Variants in MYOZ1 observed in about 807,000 individuals in gnomAD.
The protein encoded by MYOZ1 is myozenin 1.
Under a neutral mutation model 28.7 loss-of-function variants are expected in MYOZ1, and 20 were observed. The observed-to-expected ratio is 0.70, with a 90% CI of 0.49 to 1.01. The LOEUF (loss-of-function observed/expected upper bound fraction) is 1.01, where lower values mean the gene tolerates loss of function less well. Ranked by LOEUF, MYOZ1 falls within the 50% of genes least tolerant of loss-of-function variation. MYOZ1 has a pLI of 0.00. For synonymous variants in MYOZ1, 144 were observed against 145.8 expected (o/e 0.99, Z 0.09); for missense variants, 371 against 372.4 (o/e 1.00, Z 0.03).
At chr10:73,634,120 A>C in intron 4 of MYOZ1, 55 bp from the exon 5 acceptor site, 1 of 1,604,878 alleles carries the variant, frequency 6.2e-7, no homozygotes, top group Middle Eastern at 1.7e-4. Context: ...GTAGCCAATG[A>C]AAGGTAATCC....
intron 4 of MYOZ1, 29 bp from the exon 5 acceptor site, chr10:73,634,094 C>A (rs1589445385): frequency 6.2e-7 from 1 of 1,613,450 alleles, no homozygotes; most frequent in South Asian, 1.1e-5. Context: ...AAAATTCAGT[C>A]AAATAATAGC....
chr10:73,635,567 CT>C (rs1278175258), intron 3 of MYOZ1, among the ~76,000 whole-genome samples: 1 of 150,540 alleles, frequency 6.6e-6, no homozygotes, highest in Non-Finnish European at 1.5e-5. Flanking sequence ...TTTTTTTTTC[CT>C]AGAGACAGGG....
At chr10:73,636,404 G>C (rs1191005945) in intron 3 of MYOZ1, among the ~76,000 whole-genome samples, 5 of 152,096 alleles carry the variant, frequency 3.3e-5, no homozygotes, top group Admixed American at 1.3e-4. Flanking sequence ...GCCAGATTTA[G>C]CAAATCAAAT....
Position 73,638,668 on chromosome 10 carries a change from T to TTATTTATG in MYOZ1, c.74-747_74-746insCATAAATA, listed in dbSNP as rs1554958193. Among the ~76,000 whole-genome samples, 1,316 of 147,504 alleles carry TTATTTATG rather than the reference T, an allele frequency of 8.9e-3. 10 individuals are homozygous for TTATTTATG. The highest frequency in any genetic ancestry group is 0.021 in the African/African-American group (829 of 39,532). On this transcript the variant is annotated intron_variant, in intron 2 of 5. Coordinates refer to ENST00000359322, the MANE Select transcript of MYOZ1 (RefSeq NM_021245.4). The stretch of plus-strand genomic sequence containing the variant: ...TTTATTTATTTATTTATTTATTTAT[T>TTATTTATG]TATTTATTTATTTATTGAGTCAGAG...
At position 73,633,688 on chromosome 10, in the gene MYOZ1, C is replaced by G. The variant is rs186283640; in HGVS notation, c.668+212G>C. 9.2e-5 allele frequency among the ~76,000 whole-genome samples: 14 copies of G among 152,318 alleles called. 1 individual carries two copies. The highest frequency in any genetic ancestry group is 3.4e-3 in the Middle Eastern group (1 of 294). On this transcript the variant is annotated intron_variant, in intron 5 of 5. Transcript: ENST00000359322. Reference sequence around the variant, plus strand: ...AATAAATGACCATTGAGCTAGAATTCAAATCCTGCCTCCCAGCAAATTTTT... The same window carrying G: ...AATAAATGACCATTGAGCTAGAATTGAAATCCTGCCTCCCAGCAAATTTTT...
At chr10:73,638,069 G>A in intron 2 of MYOZ1, 147 bp from the exon 3 acceptor site, 1 of 734,830 alleles carries the variant, frequency 1.4e-6, no homozygotes, top group Non-Finnish European at 2.2e-6. Context: ...AGTTTGTGAG[G>A]GATTTTGATT....
chr10:73,634,765 G>A (rs765437792), intron 3 of MYOZ1, 32 bp from the exon 4 acceptor site: 1 of 1,602,406 alleles, frequency 6.2e-7, no homozygotes, highest in Admixed American at 1.7e-5. Context: ...GGGAAGGTTA[G>A]CAATGGGTAT....
intron 1 of MYOZ1, among the ~76,000 whole-genome samples, chr10:73,640,253 G>A (rs1385134165): frequency 6.6e-6 from 1 of 152,168 alleles, no homozygotes; most frequent in Non-Finnish European, 1.5e-5. Flanking sequence ...GGGCTCAGGT[G>A]ATCCTCCAAC....
chr10:73,633,577 C>CA (rs1340257729), intron 5 of MYOZ1, among the ~76,000 whole-genome samples: 17 of 151,310 alleles, frequency 1.1e-4, no homozygotes, highest in South Asian at 2.1e-4. Flanking sequence ...AAAAAGGAAG[C>CA]AAAAAAAAGA....
At chr10:73,638,638 T>TTTTATTTATTTATTTA (rs71482554) in intron 2 of MYOZ1, among the ~76,000 whole-genome samples, 42 of 124,142 alleles carry the variant, frequency 3.4e-4, no homozygotes, top group African/African-American at 1.0e-3. Context: ...CCAGCCTACA[T>TTTTATTTATTTATTTA]TTTATTTATT....
Position 73,634,572 on chromosome 10 carries a change from C to T in MYOZ1, c.414G>A (p.Gly138=). 1.9e-6 allele frequency: 3 copies of T among 1,614,164 alleles called. No individual in the cohort carries two copies. Among genetic ancestry groups the T allele is most frequent in the Non-Finnish European group, 2.5e-6 (3 of 1,180,034 alleles). Reference sequence around the variant, plus strand: ...GACCACCTGTACCCCCAGCTCCAGACCCAGAGCCCAGATGGTGCTGCTGAT... The same window carrying T: ...GACCACCTGTACCCCCAGCTCCAGATCCAGAGCCCAGATGGTGCTGCTGAT... The part of the protein sequence containing the change: ...GSDQQHHLGS[G]SGAGGTGGPA... Residue 138 remains glycine, a synonymous_variant, in exon 4 of 6, where the codon GGG becomes GGA. Transcript: ENST00000359322.
chr10:73,640,737 G>T (rs974871574), intron 1 of MYOZ1, among the ~76,000 whole-genome samples: 1 of 152,166 alleles, frequency 6.6e-6, no homozygotes, highest in Non-Finnish European at 1.5e-5. Context: ...GTGATTCCAG[G>T]CTCTGGTCTC....
rs1254764168 is a variant in MYOZ1 at position 73,631,850 on chromosome 10, A to G, written c.*80T>C. The G allele has an allele frequency of 5.2e-5, 63 of 1,221,758 alleles. No homozygotes were observed. Among genetic ancestry groups the G allele is most frequent in the Non-Finnish European group, 7.5e-5 (63 of 839,682 alleles). The allele number at this position is 1,221,758 out of a possible 1,614,324, so 75.7% of individuals were successfully genotyped here. A position where few individuals can be genotyped will look rare whatever the true frequency, so the allele number is the denominator to read the frequency against. On this transcript the variant is annotated 3_prime_UTR_variant, in exon 6 of 6. Transcript: ENST00000359322. Reference sequence around the variant, plus strand: ...TTCCCATAAGGATACTGGATTAACAATGGGGGCTATCTGCTCAGCATTCCC... The same window carrying G: ...TTCCCATAAGGATACTGGATTAACAGTGGGGGCTATCTGCTCAGCATTCCC...
chr10:73,639,815 C>T, intron 2 of MYOZ1, 130 bp downstream of exon 2: 1 of 823,456 alleles, frequency 1.2e-6, no homozygotes, highest in Non-Finnish European at 2.0e-6. Flanking sequence ...CCCTCTCCCA[C>T]TCCCCATCAC....
intron 2 of MYOZ1, 128 bp downstream of exon 2, chr10:73,639,817 C>T (rs200910390): frequency 2.4e-6 from 2 of 849,708 alleles, no homozygotes; most frequent in Non-Finnish European, 3.8e-6. Flanking sequence ...CTCTCCCACT[C>T]CCCATCACCC....
intron 2 of MYOZ1, among the ~76,000 whole-genome samples, chr10:73,638,734 G>A (rs980830883): frequency 6.7e-6 from 1 of 150,188 alleles, no homozygotes; most frequent in Non-Finnish European, 1.5e-5. Context: ...TGGCGCGATT[G>A]CAGCTCACTG....
At chr10:73,638,317 G>T (rs1053833718) in intron 2 of MYOZ1, among the ~76,000 whole-genome samples, 2 of 147,844 alleles carry the variant, frequency 1.4e-5, no homozygotes, top group African/African-American at 2.6e-5. Flanking sequence ...ATATATATTT[G>T]TTTTTATTTT....
chr10:73,632,170 G>A lies in MYOZ1; in HGVS notation c.669-9C>T, dbSNP rs1388479709. 3.1e-6 allele frequency: 5 copies of A among 1,607,540 alleles called. No individual in the cohort carries two copies. The highest frequency in any genetic ancestry group is 1.1e-5 in the South Asian group (1 of 90,916). ...CATAGGGCATTGCCGTCCTGAGAAG[G>A]GGACACATTATTTAATTAAGAATCA... On this transcript the variant is annotated splice_polypyrimidine_tract_variant and intron_variant, in intron 5 of 5. Transcript: ENST00000359322.
intron 3 of MYOZ1, 107 bp from the exon 4 acceptor site, chr10:73,634,840 T>C: frequency 7.5e-7 from 1 of 1,326,704 alleles, no homozygotes; most frequent in Non-Finnish European, 1.0e-6. Flanking sequence ...CAGAAGACCC[T>C]GAATTTTCTG....
Sources: gnomAD v4.1 joint callset for allele counts (sites outside exome capture counted in the v4.1 genomes callset) on GRCh38, gnomAD v4.1.1 for gene constraint, MANE v1.5 for transcripts, NCBI Gene and HGNC (gene_info 2026-07-23, HGNC 2026-07-21) for gene names.